Variants in CRTAP observed in about 807,000 individuals in gnomAD.
CRTAP encodes the protein cartilage-associated protein.
In CRTAP, 33 loss-of-function variants were observed where a neutral mutation model predicts 42.7. That is an observed-to-expected ratio of 0.77 (90% CI 0.59 to 1.03). The LOEUF is 1.03. Ranked by LOEUF, CRTAP falls within the 50% of genes least tolerant of loss-of-function variation. The pLI, the probability that CRTAP is intolerant of heterozygous loss-of-function variation, is 0.00. For missense variants in CRTAP, 613 were observed against 533.9 expected, an observed-to-expected ratio of 1.15 and a Z score of -1.46; for synonymous variants, 243 against 217.7, an observed-to-expected ratio of 1.12 and a Z score of -1.02.
rs1380413766 is a variant in CRTAP, at chr3:33,114,390, G to A, written c.313G>A (p.Glu105Lys). Residue 105 changes from glutamate to lysine, a missense_variant, in exon 1 of 7, where the codon GAG becomes AAG. By Grantham distance (56) the Glu-to-Lys change is moderately conservative. Transcript: ENST00000320954. The part of the protein sequence containing the change: ...EPAAGLASYP[E>K]LRLFGGLLRR... ...CGCCGCCGGCCTCGCCAGCTATCCC[G>A]AGCTGCGCCTCTTCGGGGGCCTGCT... The A allele has an allele frequency of 4.6e-6, 7 of 1,534,842 alleles. No individual in the cohort carries two copies. The highest frequency in any genetic ancestry group is 5.2e-6 in the Non-Finnish European group (6 of 1,146,154).
intron 1 of CRTAP, 82 bp downstream of exon 1, chr3:33,114,630 G>A (rs911685787): frequency 1.5e-6 from 2 of 1,363,712 alleles, no homozygotes; most frequent in Non-Finnish European, 2.0e-6. Context: ...CTGCGCCCGG[G>A]GCCGCGTTGC....
chr3:33,130,525 C>CTTTTCTTTTT (rs2030224681), intron 4 of CRTAP, among the ~76,000 whole-genome samples: 1 of 55,226 alleles, frequency 1.8e-5, no homozygotes, highest in Non-Finnish European at 3.1e-5. Flanking sequence ...CTTTTCTTTT[C>CTTTTCTTTTT]TTTTTTTTTT....
chr3:33,125,302 A>G (rs1302989335), intron 3 of CRTAP, among the ~76,000 whole-genome samples: 1 of 152,306 alleles, frequency 6.6e-6, no homozygotes, highest in Admixed American at 6.5e-5. Flanking sequence ...GTACTTGTAA[A>G]TAAGTCTGGG....
chr3:33,142,297 G>GA, intron 6 of CRTAP, 98 bp from the exon 7 acceptor site: 1 of 1,159,500 alleles, frequency 8.6e-7, no homozygotes. Context: ...AGCCAAAGCA[G>GA]ACAGTGGTGA....
Position 33,114,058 on chromosome 3 carries a change from C to T in CRTAP, c.-20C>T. 1 of 1,453,542 alleles carries T rather than the reference C, an allele frequency of 6.9e-7. No individual in the cohort carries two copies. The highest frequency in any genetic ancestry group is 3.0e-5 in the East Asian group (1 of 33,520). 90.0% of individuals were successfully genotyped at this position (1,453,542 alleles called of 1,614,324 possible). The stretch of plus-strand genomic sequence containing the variant: ...TTTTCCCTTCCTTCGTCCCTTCCTT[C>T]CTTCCTTTCGCCGGGCGCGATGGAG... On this transcript the variant is annotated 5_prime_UTR_variant, in exon 1 of 7. Transcript: ENST00000320954.
chr3:33,138,198 C>A (rs1422470250), intron 6 of CRTAP, among the ~76,000 whole-genome samples: 2 of 151,802 alleles, frequency 1.3e-5, no homozygotes, highest in Admixed American at 1.3e-4. Flanking sequence ...CAACGTTGTT[C>A]TTCTTTTCCA....
intron 3 of CRTAP, 103 bp downstream of exon 3, chr3:33,124,682 G>A: frequency 2.2e-6 from 3 of 1,360,736 alleles, no homozygotes; most frequent in South Asian, 1.2e-5. Flanking sequence ...AGCCTCTGAG[G>A]AATTTTTGAG....
intron 1 of CRTAP, among the ~76,000 whole-genome samples, chr3:33,118,949 C>T (rs1013078181): frequency 6.6e-6 from 1 of 152,220 alleles, no homozygotes; most frequent in African/African-American, 2.4e-5. Flanking sequence ...CCAAGGGAAA[C>T]TTTTTTCCTA....
Position 33,142,448 on chromosome 3 carries a change from G to GC in CRTAP, c.*3dup. 3.1e-6 allele frequency: 5 copies of GC among 1,614,044 alleles called. No individual in the cohort carries two copies. Among genetic ancestry groups the GC allele is most frequent in the Non-Finnish European group, 4.2e-6 (5 of 1,179,886 alleles). On this transcript the variant is annotated 3_prime_UTR_variant, in exon 7 of 7. Transcript: ENST00000320954. ...TCTTGGAACTGGAGGAGACCAGCTA[G>GC]CCCACAGCAACCAAAGAGACTTCCT...
At position 33,143,650 on chromosome 3, in the gene CRTAP, T is replaced by C. The variant is rs1318947902; in HGVS notation, c.*1202T>C. 3.3e-5 allele frequency: 5 copies of C among 152,090 alleles called. No homozygotes were observed. The highest frequency in any genetic ancestry group is 9.7e-5 in the African/African-American group (4 of 41,396). The allele number at this position is 152,090 out of a possible 1,614,324, so 9.4% of individuals were successfully genotyped here. A position where few individuals can be genotyped will look rare whatever the true frequency, so the allele number is the denominator to read the frequency against. ...AGGAATAAATATATACAAGGTATCA[T>C]GTAGTGATAATTGCTGTGGAGAAAA... is the stretch of plus-strand genomic sequence containing the variant. On this transcript the variant is annotated 3_prime_UTR_variant, in exon 7 of 7. Transcript: ENST00000320954.
intron 2 of CRTAP, among the ~76,000 whole-genome samples, chr3:33,122,435 C>T (rs1202506712): frequency 1.3e-5 from 2 of 151,918 alleles, no homozygotes; most frequent in South Asian, 2.1e-4. Context: ...CTCGGCCAGG[C>T]GCGGTCCTCA....
rs2030745178 is a variant in CRTAP, at chr3:33,147,224, C to G, written c.*4776C>G. On this transcript the variant is annotated 3_prime_UTR_variant, in exon 7 of 7. Transcript: ENST00000320954. ...TGCATTGGACTTCCTGTGCCTGCCC[C>G]CAGGGGCAAGACTGATCCCCATGCC... 2.0e-5 allele frequency: 3 copies of G among 152,840 alleles called. No homozygotes were observed. In the Admixed American group the frequency reaches 2.0e-4, roughly 10 times the overall value. The allele number at this position is 152,840 out of a possible 1,614,324, so 9.5% of individuals were successfully genotyped here.
rs2030753451 is a variant in CRTAP at position 33,147,508 on chromosome 3, G to T, written c.*5060G>T. ...CTTGGAGCTGGCCGGTAAGATATTA[G>T]TGCCTCATTTTACAAGAAGAGAATA... is the stretch of plus-strand genomic sequence containing the variant. On this transcript the variant is annotated 3_prime_UTR_variant, in exon 7 of 7. Coordinates refer to ENST00000320954, the MANE Select transcript of CRTAP (RefSeq NM_006371.5). 1 of 152,292 alleles carries T rather than the reference G, an allele frequency of 6.6e-6. No homozygotes were observed. The highest frequency in any genetic ancestry group is 1.9e-4 in the East Asian group (1 of 5,200). 9.4% of individuals were successfully genotyped at this position (152,292 alleles called of 1,614,324 possible). A position where few individuals can be genotyped will look rare whatever the true frequency, so the allele number is the denominator to read the frequency against.
At chr3:33,114,596 A>G (rs1238892286) in intron 1 of CRTAP, 48 bp downstream of exon 1, 12 of 1,527,630 alleles carry the variant, frequency 7.9e-6, no homozygotes, top group Admixed American at 2.0e-5. Flanking sequence ...CCCCTGACCC[A>G]GCCTCCAGGC....
rs2030293571 is a variant in CRTAP at position 33,132,448 on chromosome 3, G to C, written c.923-107G>C. 3.3e-6 allele frequency: 5 copies of C among 1,499,692 alleles called. No individual in the cohort carries two copies. The East Asian group carries it at 6.8e-5, about 20-fold the overall frequency. 92.9% of individuals were successfully genotyped at this position (1,499,692 alleles called of 1,614,324 possible). On this transcript the variant is annotated intron_variant, in intron 4 of 6. Coordinates refer to ENST00000320954, the MANE Select transcript of CRTAP (RefSeq NM_006371.5). ...AGTCGGCCCCAGGCTCTCTGAAGAA[G>C]GACTGTGGAGAAGGGGCTTGTTCAT... is the stretch of plus-strand genomic sequence containing the variant.
At chr3:33,139,884 A>G (rs1423724285) in intron 6 of CRTAP, among the ~76,000 whole-genome samples, 4 of 152,236 alleles carry the variant, frequency 2.6e-5, no homozygotes, top group Admixed American at 6.5e-5. Flanking sequence ...TCATTATAAA[A>G]ATGACTTTTT....
chr3:33,120,503 G>C lies in CRTAP; in HGVS notation c.621+10G>C. On this transcript the variant is annotated intron_variant, in intron 2 of 6. Coordinates refer to ENST00000320954, the MANE Select transcript of CRTAP (RefSeq NM_006371.5). ...AACCAAGTCATATGAAGTATGTTTGGATTTTTATGTGGCAGTTAGTGGCAA... is the reference window on the plus strand; with the variant it reads ...AACCAAGTCATATGAAGTATGTTTGCATTTTTATGTGGCAGTTAGTGGCAA... The C allele has an allele frequency of 1.9e-6, 3 of 1,601,422 alleles. No homozygotes were observed. Among genetic ancestry groups the C allele is most frequent in the Non-Finnish European group, 2.6e-6 (3 of 1,173,316 alleles).
rs184833902 is a variant in CRTAP at position 33,138,117 on chromosome 3, C to T, written c.1152+3852C>T. On this transcript the variant is annotated intron_variant, in intron 6 of 6. Coordinates refer to ENST00000320954, the MANE Select transcript of CRTAP (RefSeq NM_006371.5). Reference sequence around the variant, plus strand: ...AATATAGCTTTTTTTTTTTAAATTACGTGGACTTTCAACCAAGATTAGATT... The same window carrying T: ...AATATAGCTTTTTTTTTTTAAATTATGTGGACTTTCAACCAAGATTAGATT... Among the ~76,000 whole-genome samples the T allele has an allele frequency of 2.8e-3, 421 of 151,478 alleles. 1 individual carries two copies. The highest frequency in any genetic ancestry group is 9.7e-3 in the African/African-American group (399 of 41,234).
Position 33,114,272 on chromosome 3 carries a change from C to A in CRTAP, c.195C>A (p.Gly65=). ...YSGEHWAESV[G]YLEISLRLHR... Reference sequence around the variant, plus strand: ...GCGAGCACTGGGCCGAGAGCGTGGGCTACCTGGAGATCAGCCTGCGGCTGC... The same window carrying A: ...GCGAGCACTGGGCCGAGAGCGTGGGATACCTGGAGATCAGCCTGCGGCTGC... Residue 65 remains glycine, a synonymous_variant, in exon 1 of 7, where the codon GGC becomes GGA. Coordinates refer to ENST00000320954, the MANE Select transcript of CRTAP (RefSeq NM_006371.5). The A allele has an allele frequency of 6.3e-7, 1 of 1,581,398 alleles. No homozygotes were observed. Among genetic ancestry groups the A allele is most frequent in the East Asian group, 2.3e-5 (1 of 43,384 alleles).
Sources: gnomAD v4.1 joint callset for allele counts (sites outside exome capture counted in the v4.1 genomes callset) on GRCh38, gnomAD v4.1.1 for gene constraint, MANE v1.5 for transcripts, NCBI Gene and HGNC (gene_info 2026-07-23, HGNC 2026-07-21) for gene names.